RAD54L: variants seen among roughly 807,000 people sequenced by gnomAD.
RAD54L encodes the protein DNA repair and recombination protein RAD54-like.
A neutral mutation model predicts 91.6 loss-of-function variants in RAD54L; 74 were observed. The ratio of observed to expected loss-of-function variants is 0.81; its 90% CI spans 0.67 to 0.98. The LOEUF (loss-of-function observed/expected upper bound fraction) is 0.98, where lower values mean the gene tolerates loss of function less well. RAD54L is among the 50% of genes least tolerant of loss of function. RAD54L has a pLI of 0.00. For missense variants in RAD54L, 887 were observed against 945.7 expected (o/e 0.94, Z 0.81); for synonymous variants, 304 against 349.7 (o/e 0.87, Z 1.46).
chr1:46,259,112 A>G (rs1409645235), intron 4 of RAD54L, among the ~76,000 whole-genome samples: 1 of 151,920 alleles, frequency 6.6e-6, no homozygotes, highest in Admixed American at 6.6e-5. Flanking sequence ...TGTCTTATGT[A>G]GGGTACAGCA....
intron 16 of RAD54L, among the ~76,000 whole-genome samples, chr1:46,276,465 T>C (rs1470809929): frequency 6.6e-6 from 1 of 152,194 alleles, no homozygotes; most frequent in Non-Finnish European, 1.5e-5. Context: ...CTGGCTCCCC[T>C]TCTGAATGTT....
intron 14 of RAD54L, 83 bp downstream of exon 14, chr1:46,273,830 C>T: frequency 1.3e-6 from 2 of 1,537,158 alleles, no homozygotes; most frequent in South Asian, 2.4e-5. Context: ...TGGATGTGGG[C>T]CAAGATCTGG....
intron 5 of RAD54L, 127 bp downstream of exon 5, chr1:46,260,226 TG>T: frequency 6.9e-7 from 1 of 1,442,134 alleles, no homozygotes; most frequent in Non-Finnish European, 9.6e-7. Flanking sequence ...AGTAGATGAT[TG>T]GGGAAGGAGA....
chr1:46,269,207 G>A (rs542151899), intron 9 of RAD54L, among the ~76,000 whole-genome samples: 3 of 151,750 alleles, frequency 2.0e-5, no homozygotes, highest in African/African-American at 7.3e-5. Flanking sequence ...ACTCTATTCT[G>A]TTCCTCTGGT....
At chr1:46,248,487 C>T in intron 1 of RAD54L, 25 bp from the exon 2 acceptor site, 1 of 1,613,970 alleles carries the variant, frequency 6.2e-7, no homozygotes, top group Non-Finnish European at 8.5e-7. Context: ...TCCTTGCAGG[C>T]ACTGTTTCTG....
chr1:46,248,582 G>C lies in RAD54L; in HGVS notation c.74G>C (p.Trp25Ser). 1 of 1,614,140 alleles carries C rather than the reference G, an allele frequency of 6.2e-7. No homozygotes were observed. The highest frequency in any genetic ancestry group is 1.3e-5 in the African/African-American group (1 of 75,060). The change falls in exon 2 of 18, where the codon TGG (tryptophan) becomes TCG (serine). Residue 25 changes from tryptophan (W) to serine (S), a missense_variant. By Grantham distance (177) the Trp-to-Ser change is radical. Transcript: ENST00000371975. The stretch of plus-strand genomic sequence containing the variant: ...GGCAGGTCCTGTGATGATGAAGACT[G>C]GCAACCTGGCCTAGTGGTGAGCACT... ...PEGRSCDDED[W>S]QPGLVTPRKR...
intron 4 of RAD54L, 98 bp downstream of exon 4, chr1:46,258,844 T>C (rs550465102): frequency 2.9e-6 from 3 of 1,017,010 alleles, no homozygotes; most frequent in East Asian, 2.5e-5. Context: ...TAGCTGGGAA[T>C]TGAAGGTGCC....
chr1:46,270,856 C>T, intron 10 of RAD54L, 71 bp downstream of exon 10: 1 of 1,597,370 alleles, frequency 6.3e-7, no homozygotes, highest in African/African-American at 1.3e-5. Flanking sequence ...GGGGGCTTTG[C>T]CTCTCTAGAG....
chr1:46,260,966 A>G lies in RAD54L; in HGVS notation c.717A>G (p.Gln239=). 6.2e-7 allele frequency: 1 copy of G among 1,614,122 alleles called. No individual in the cohort carries two copies. The highest frequency in any genetic ancestry group is 8.5e-7 in the Non-Finnish European group (1 of 1,180,028). The change falls in exon 7 of 18, where the codon CAA becomes CAG. Residue 239 remains glutamine (Q), a synonymous_variant. Transcript: ENST00000371975. Reference sequence around the variant, plus strand: ...GGAAATGGCTCGGAGGGAGGATCCAACCTCTGGCCATCGATGGAGGATCTA... The same window carrying G: ...GGAAATGGCTCGGAGGGAGGATCCAGCCTCTGGCCATCGATGGAGGATCTA... ...EVGKWLGGRI[Q]PLAIDGGSKD... is the part of the protein sequence containing the mutation.
chr1:46,250,236 T>C, intron 3 of RAD54L, 117 bp downstream of exon 3: 4 of 1,429,460 alleles, frequency 2.8e-6, no homozygotes, highest in Non-Finnish European at 3.9e-6. Flanking sequence ...GACACACATC[T>C]GTAGGGGCTT....
chr1:46,261,415 G>A (rs1298951496), intron 8 of RAD54L, 30 bp downstream of exon 8: 1 of 1,613,604 alleles, frequency 6.2e-7, no homozygotes, highest in African/African-American at 1.3e-5. Context: ...CTGGGTGGTA[G>A]GAGAAAATCT....
Position 46,258,408 on chromosome 1 carries a change from G to T in RAD54L, c.211-278G>T, listed in dbSNP as rs28363206. 2.0e-3 allele frequency among the ~76,000 whole-genome samples: 308 copies of T among 152,236 alleles called. 3 individuals are homozygous for T. The highest frequency in any genetic ancestry group is 0.015 in the Admixed American group (226 of 15,288). ...AGAATTATCCATTATTACTCAGGTTGGCTAAGTCTGTGGTATTTGCTTTCC... is the reference window on the plus strand; with the variant it reads ...AGAATTATCCATTATTACTCAGGTTTGCTAAGTCTGTGGTATTTGCTTTCC... On this transcript the variant is annotated intron_variant, in intron 3 of 17. Transcript: ENST00000371975.
intron 16 of RAD54L, 131 bp from the exon 17 acceptor site, chr1:46,277,685 TG>T: frequency 9.6e-7 from 1 of 1,039,786 alleles, no homozygotes; most frequent in Non-Finnish European, 1.5e-6. Context: ...GATAATGTTC[TG>T]GGACTCATAC....
Position 46,278,273 on chromosome 1 carries a change from C to A in RAD54L, c.2235C>A (p.Gly745=), listed in dbSNP as rs767999082. Residue 745 remains glycine, a synonymous_variant, in exon 18 of 18, where the codon GGC becomes GGA. Transcript: ENST00000371975. The part of the protein sequence containing the change: ...FHQRSHEEQR[G]LR ...AGCGTTCTCATGAGGAGCAGCGGGGCCTCCGCTGATAACCAGCTGGTCTGG... is the reference window on the plus strand; with the variant it reads ...AGCGTTCTCATGAGGAGCAGCGGGGACTCCGCTGATAACCAGCTGGTCTGG... 9 of 1,612,232 alleles carry A rather than the reference C, an allele frequency of 5.6e-6. No individual in the cohort carries two copies. The Admixed American group carries it at 1.0e-4, about 18-fold the overall frequency.
chr1:46,272,943 G>A (rs1255541702), intron 12 of RAD54L, 141 bp downstream of exon 12: 17 of 1,269,462 alleles, frequency 1.3e-5, no homozygotes, highest in Non-Finnish European at 1.9e-5. Flanking sequence ...CCTACCCAAG[G>A]CATGAACCCT....
chr1:46,247,722 C>T (rs1367889354), upstream of RAD54L: 1 of 158,010 alleles, frequency 6.3e-6, no homozygotes, highest in African/African-American at 2.4e-5. Context: ...GCGGGAGGTT[C>T]GATTGACCCG....
rs756184548 is a variant in RAD54L at position 46,272,426 on chromosome 1, A to G, written c.1170-40A>G. 7 of 1,534,078 alleles carry G rather than the reference A, an allele frequency of 4.6e-6. No individual in the cohort carries two copies. The Admixed American group carries it at 6.7e-5, about 15-fold the overall frequency. ...TTTTATTCCAGTAGTTAGCATGGCA[A>G]TTTTACCAGCCTCTTGCCTTTTTAT... On this transcript the variant is annotated intron_variant, in intron 10 of 17. Coordinates refer to ENST00000371975, the MANE Select transcript of RAD54L (RefSeq NM_003579.4).
chr1:46,256,268 G>T (rs1456908705), intron 3 of RAD54L, among the ~76,000 whole-genome samples: 1 of 151,978 alleles, frequency 6.6e-6, no homozygotes, highest in Non-Finnish European at 1.5e-5. Context: ...GGTGTGTGGG[G>T]GGGTCTCACT....
At chr1:46,256,768 T>C (rs1209074888) in intron 3 of RAD54L, among the ~76,000 whole-genome samples, 2 of 152,218 alleles carry the variant, frequency 1.3e-5, no homozygotes, top group Non-Finnish European at 2.9e-5. Context: ...TGTTATTTAG[T>C]GTGATAAGGA....
Sources: allele counts gnomAD v4.1 joint callset (sites outside exome capture counted in the v4.1 genomes callset), GRCh38; gene constraint gnomAD v4.1.1; transcripts MANE v1.5; gene names NCBI Gene and HGNC (gene_info 2026-07-23, HGNC 2026-07-21).